PTPRT: variants seen among roughly 807,000 people sequenced by gnomAD.
The protein encoded by PTPRT is receptor-type tyrosine-protein phosphatase T.
PTPRT carries 56 observed loss-of-function variants against 176.8 expected under a neutral mutation model. The ratio of observed to expected loss-of-function variants is 0.32; its 90% CI spans 0.26 to 0.40. The LOEUF is 0.40. PTPRT is among the 10% of genes least tolerant of loss of function. PTPRT has a pLI of 1.00. For synonymous variants in PTPRT, 783 were observed against 739.0 expected, an observed-to-expected ratio of 1.06 and a Z score of -0.96; for missense variants, 1,540 against 1,908.2, an observed-to-expected ratio of 0.81 and a Z score of 3.60.
At chr20:42,300,762 T>C (rs1260930567) in intron 12 of PTPRT, among the ~76,000 whole-genome samples, 1 of 145,658 alleles carries the variant, frequency 6.9e-6, no homozygotes, top group Non-Finnish European at 1.5e-5. Flanking sequence ...ATTTGTATTA[T>C]TATTATTATT....
chr20:42,705,233 C>T (rs1401000027), intron 6 of PTPRT, among the ~76,000 whole-genome samples: 1 of 152,096 alleles, frequency 6.6e-6, no homozygotes, highest in Non-Finnish European at 1.5e-5. Flanking sequence ...AATTGTTACA[C>T]ACGTCCATAT....
chr20:43,058,405 AAAG>A (rs1987326540), intron 1 of PTPRT, among the ~76,000 whole-genome samples: 2 of 152,066 alleles, frequency 1.3e-5, no homozygotes, highest in South Asian at 2.1e-4. Context: ...CCAGAGAAAG[AAAG>A]AAGGAGAGAG....
intron 7 of PTPRT, among the ~76,000 whole-genome samples, chr20:42,507,371 G>A (rs908701275): frequency 8.6e-5 from 13 of 152,038 alleles, no homozygotes; most frequent in African/African-American, 3.1e-4. Flanking sequence ...ATGGAGATGA[G>A]ACATATGTCA....
At chr20:42,818,671 G>A (rs950012671) in intron 2 of PTPRT, among the ~76,000 whole-genome samples, 2 of 152,100 alleles carry the variant, frequency 1.3e-5, no homozygotes, top group African/African-American at 4.8e-5. Flanking sequence ...GTTTAGAGAG[G>A]AACATAAATT....
At chr20:42,816,680 G>T (rs1213792119) in intron 2 of PTPRT, among the ~76,000 whole-genome samples, 1 of 152,164 alleles carries the variant, frequency 6.6e-6, no homozygotes, top group Non-Finnish European at 1.5e-5. Flanking sequence ...CTGGTAAGAA[G>T]GTGCCTGCTT....
intron 1 of PTPRT, among the ~76,000 whole-genome samples, chr20:43,116,095 C>A (rs190044885): frequency 1.3e-5 from 2 of 152,170 alleles, no homozygotes; most frequent in Non-Finnish European, 2.9e-5. Context: ...CTCATTAGCA[C>A]CACATACGAA....
At chr20:43,030,265 A>C (rs1022153459) in intron 1 of PTPRT, among the ~76,000 whole-genome samples, 1 of 152,210 alleles carries the variant, frequency 6.6e-6, no homozygotes, top group African/African-American at 2.4e-5. Flanking sequence ...ACATTGTGGC[A>C]AGTTTTACAA....
chr20:42,543,662 T>C (rs1354161526), intron 7 of PTPRT, among the ~76,000 whole-genome samples: 6 of 151,868 alleles, frequency 4.0e-5, no homozygotes, highest in Non-Finnish European at 7.4e-5. Context: ...AGGTTTCCCA[T>C]TTATTTTGCC....
chr20:42,515,507 G>A (rs1400266639), intron 7 of PTPRT, among the ~76,000 whole-genome samples: 5 of 151,976 alleles, frequency 3.3e-5, no homozygotes, highest in East Asian at 3.9e-4. Context: ...AAACATGGAC[G>A]AGTGTTGTTC....
At chr20:42,984,758 G>A (rs141029805) in intron 1 of PTPRT, among the ~76,000 whole-genome samples, 1 of 152,354 alleles carries the variant, frequency 6.6e-6, no homozygotes, top group East Asian at 1.9e-4. Flanking sequence ...TAGAAGAAGA[G>A]CCTAGGCTTG....
chr20:42,110,056 T>C (rs2003686), intron 23 of PTPRT, among the ~76,000 whole-genome samples: 2,391 of 151,250 alleles, frequency 0.016, 75 homozygotes, highest in East Asian at 0.12. Context: ...TTTCTTTTTT[T>C]TTTTTTTTGA....
intron 11 of PTPRT, among the ~76,000 whole-genome samples, chr20:42,332,852 TACA>T (rs1194751170): frequency 2.0e-5 from 3 of 152,344 alleles, no homozygotes; most frequent in African/African-American, 7.2e-5. Flanking sequence ...TTTGATATGG[TACA>T]ACAAGATATA....
At chr20:42,178,477 C>T (rs954876991) in intron 16 of PTPRT, among the ~76,000 whole-genome samples, 1 of 152,178 alleles carries the variant, frequency 6.6e-6, no homozygotes, top group Admixed American at 6.5e-5. Flanking sequence ...AATCCTGGCT[C>T]TACTACTTAT....
At chr20:42,285,224 T>C (rs1003416721) in intron 12 of PTPRT, among the ~76,000 whole-genome samples, 1 of 152,018 alleles carries the variant, frequency 6.6e-6, no homozygotes. Flanking sequence ...GAAGAAGACA[T>C]GCAAATGATT....
chr20:42,458,189 T>C (rs2070956781), intron 8 of PTPRT, among the ~76,000 whole-genome samples: 1 of 152,218 alleles, frequency 6.6e-6, no homozygotes, highest in African/African-American at 2.4e-5. Context: ...CGTTTTACAG[T>C]TGTCAGTGCA....
At chr20:42,855,519 C>T (rs555089221) in intron 2 of PTPRT, among the ~76,000 whole-genome samples, 1 of 146,918 alleles carries the variant, frequency 6.8e-6, no homozygotes, top group South Asian at 2.2e-4. Flanking sequence ...GCAACCTCCA[C>T]CTCCTGGGTT....
chr20:42,184,518 C>CTTCTTCTTCTTCCTCTT (rs1555797923), intron 16 of PTPRT, among the ~76,000 whole-genome samples: 2 of 54,482 alleles, frequency 3.7e-5, no homozygotes, highest in South Asian at 8.1e-4. Context: ...TCCTCCTCCT[C>CTTCTTCTTCTTCCTCTT]CTTCTTCTTC....
chr20:42,693,443 T>G (rs962833562), intron 6 of PTPRT, among the ~76,000 whole-genome samples: 1 of 152,222 alleles, frequency 6.6e-6, no homozygotes, highest in African/African-American at 2.4e-5. Context: ...GCTTACCTTT[T>G]AGGAAATTAA....
chr20:42,879,983 T>G (rs1168885534), intron 2 of PTPRT, among the ~76,000 whole-genome samples: 1 of 152,168 alleles, frequency 6.6e-6, no homozygotes, highest in African/African-American at 2.4e-5. Context: ...CTGGAAGGAC[T>G]GGGCCAAGAA....
Sources: allele counts gnomAD v4.1 joint callset (sites outside exome capture counted in the v4.1 genomes callset), GRCh38; gene constraint gnomAD v4.1.1; transcripts MANE v1.5; gene names NCBI Gene and HGNC (gene_info 2026-07-23, HGNC 2026-07-21).